The following SNX2 variants were observed in gnomAD, a reference collection of about 807,000 sequenced individuals.
The protein encoded by SNX2 is sorting nexin-2.
Under a neutral mutation model 69.9 loss-of-function variants are expected in SNX2, and 25 were observed. The observed-to-expected ratio is 0.36, with a 90% confidence interval of 0.26 to 0.50. The LOEUF is 0.50. Among genes scored for constraint, SNX2 ranks in the 20% least tolerant of loss-of-function variants. The pLI is 0.97. For missense variants in SNX2, 551 were observed against 613.3 expected (o/e 0.90, Z 1.07); for synonymous variants, 229 against 200.4 (o/e 1.14, Z -1.20).
intron 1 of SNX2, among the ~76,000 whole-genome samples, chr5:122,779,743 T>A (rs1241213068): frequency 1.3e-5 from 2 of 152,138 alleles, no homozygotes; most frequent in Non-Finnish European, 2.9e-5. Flanking sequence ...AAAATTATTT[T>A]ATTTTTTCAA....
At chr5:122,829,500 C>G in intron 14 of SNX2, 98 bp from the exon 15 acceptor site, 2 of 923,944 alleles carry the variant, frequency 2.2e-6, no homozygotes, top group South Asian at 3.0e-5. Context: ...CTACCCAGCC[C>G]GGCTTATGTA....
At chr5:122,794,155 A>G (rs1753319350) in intron 1 of SNX2, among the ~76,000 whole-genome samples, 1 of 152,052 alleles carries the variant, frequency 6.6e-6, no homozygotes, top group South Asian at 2.1e-4. Flanking sequence ...TACTAAAAAT[A>G]CAAAAATTAG....
At chr5:122,793,550 A>G (rs1432924064) in intron 1 of SNX2, among the ~76,000 whole-genome samples, 1 of 152,222 alleles carries the variant, frequency 6.6e-6, no homozygotes, top group Non-Finnish European at 1.5e-5. Flanking sequence ...TTTTGAAACT[A>G]TCTAGCTGTA....
Position 122,775,163 on chromosome 5 carries a change from T to A in SNX2, c.60T>A (p.Asp20Glu), listed in dbSNP as rs777885208. 1.3e-6 allele frequency: 2 copies of A among 1,596,512 alleles called. No individual in the cohort carries two copies. Among genetic ancestry groups the A allele is most frequent in the Middle Eastern group, 1.7e-4 (1 of 6,030 alleles). The part of the protein sequence containing the change: ...LGDGKPTDFE[D>E]LEDGEDLFTS... ...ACGGGAAGCCCACCGACTTTGAGGATCTGGAGGACGGAGAGGACCTGTTCA... is the reference window on the plus strand; with the variant it reads ...ACGGGAAGCCCACCGACTTTGAGGAACTGGAGGACGGAGAGGACCTGTTCA... The change falls in exon 1 of 15, where the codon GAT becomes GAA. Residue 20 changes from aspartate (D) to glutamate (E), a missense_variant. This residue lies in a region of SNX2 where 191 missense variants were observed against 162.9 expected (regional missense o/e 1.17). Transcript: ENST00000379516.
At chr5:122,779,011 T>C (rs1752912804) in intron 1 of SNX2, among the ~76,000 whole-genome samples, 1 of 152,216 alleles carries the variant, frequency 6.6e-6, no homozygotes, top group South Asian at 2.1e-4. Flanking sequence ...TTATGAATAC[T>C]GTTTTATTCC....
At chr5:122,787,165 C>T (rs1753108808) in intron 1 of SNX2, among the ~76,000 whole-genome samples, 1 of 152,070 alleles carries the variant, frequency 6.6e-6, no homozygotes, top group Non-Finnish European at 1.5e-5. Context: ...TTAGTAGGAA[C>T]CTGGAAGAGG....
chr5:122,785,498 C>G (rs1581624358), intron 1 of SNX2, among the ~76,000 whole-genome samples: 1 of 122,742 alleles, frequency 8.1e-6, no homozygotes, highest in East Asian at 2.0e-4. Flanking sequence ...TGATTTGAGA[C>G]TTTTCTCCCT....
intron 1 of SNX2, among the ~76,000 whole-genome samples, chr5:122,779,730 T>TA (rs1752929886): frequency 6.6e-6 from 1 of 152,140 alleles, no homozygotes; most frequent in African/African-American, 2.4e-5. Flanking sequence ...GGCACTTTTT[T>TA]AAAAAATTAT....
At chr5:122,828,427 TC>T in intron 14 of SNX2, among the ~76,000 whole-genome samples, 1 of 152,290 alleles carries the variant, frequency 6.6e-6, no homozygotes, top group African/African-American at 2.4e-5. Context: ...AAACATGACT[TC>T]AGTTGATATT....
intron 1 of SNX2, among the ~76,000 whole-genome samples, chr5:122,792,439 C>CA (rs930495051): frequency 2.0e-5 from 3 of 151,622 alleles, no homozygotes; most frequent in African/African-American, 7.3e-5. Flanking sequence ...ACTAAAAATA[C>CA]AAAAAAAATT....
intron 7 of SNX2, among the ~76,000 whole-genome samples, chr5:122,811,614 G>A (rs1753779189): frequency 6.6e-6 from 1 of 151,836 alleles, no homozygotes. Flanking sequence ...GGTGGATCAC[G>A]AGGTCAAGAG....
chr5:122,817,159 G>A, intron 9 of SNX2, 121 bp from the exon 10 acceptor site: 1 of 1,146,578 alleles, frequency 8.7e-7, no homozygotes, highest in Non-Finnish European at 1.3e-6. Flanking sequence ...ACATCAGTTG[G>A]CCACCATGGT....
intron 1 of SNX2, among the ~76,000 whole-genome samples, chr5:122,777,839 A>G (rs1029437579): frequency 2.0e-5 from 3 of 152,204 alleles, no homozygotes; most frequent in Non-Finnish European, 4.4e-5. Context: ...TTTGTGTTGG[A>G]ACATTCAAAA....
At chr5:122,817,196 C>A in intron 9 of SNX2, 84 bp from the exon 10 acceptor site, 1 of 1,374,908 alleles carries the variant, frequency 7.3e-7, no homozygotes, top group Non-Finnish European at 1.0e-6. Context: ...TGCTTTAAAA[C>A]AAGGAATTTA....
rs761718388 is a variant in SNX2, at chr5:122,801,947, C to T, written c.457+12C>T. ...TCCAGAAAAAGTTGGTGAGTCAATA[C>T]TTATTATATTTTGTATTTACTTTTT... is the stretch of plus-strand genomic sequence containing the variant. On this transcript the variant is annotated intron_variant, in intron 4 of 14. Coordinates refer to ENST00000379516, the MANE Select transcript of SNX2 (RefSeq NM_003100.4). 7.6e-6 allele frequency: 12 copies of T among 1,582,764 alleles called. No homozygotes were observed. Among genetic ancestry groups the T allele is most frequent in the Middle Eastern group, 1.7e-4 (1 of 5,980 alleles).
chr5:122,795,401 A>AT lies in SNX2; in HGVS notation c.226+24dup. On this transcript the variant is annotated intron_variant, in intron 2 of 14. Coordinates refer to ENST00000379516, the MANE Select transcript of SNX2 (RefSeq NM_003100.4). ...TTTTGCAGGTAATTGTCATGTATTT[A>AT]TTTTTTAATAATGGTCAATTGCAGT... 1 of 1,460,926 alleles carries AT rather than the reference A, an allele frequency of 6.8e-7. No individual in the cohort carries two copies. The highest frequency in any genetic ancestry group is 1.7e-4 in the Middle Eastern group (1 of 5,760). The allele number at this position is 1,460,926 out of a possible 1,614,324, so 90.5% of individuals were successfully genotyped here.
chr5:122,822,972 A>C (rs892969828), intron 11 of SNX2, among the ~76,000 whole-genome samples: 1 of 152,250 alleles, frequency 6.6e-6, no homozygotes, highest in Non-Finnish European at 1.5e-5. Flanking sequence ...GAAGCTGGGC[A>C]GCATATTTTC....
intron 1 of SNX2, among the ~76,000 whole-genome samples, chr5:122,789,480 C>CAA (rs982486768): frequency 1.4e-4 from 14 of 99,906 alleles, no homozygotes; most frequent in African/African-American, 6.2e-4. Flanking sequence ...CACGGACACA[C>CAA]ACACACACAC....
intron 7 of SNX2, among the ~76,000 whole-genome samples, chr5:122,815,412 ATGC>A (rs2150013878): frequency 6.6e-6 from 1 of 152,330 alleles, no homozygotes; most frequent in South Asian, 2.1e-4. Context: ...TCATTTAAAT[ATGC>A]TGACACGCAA....
Sources: gnomAD v4.1 joint callset for allele counts (sites outside exome capture counted in the v4.1 genomes callset) on GRCh38, gnomAD v4.1.1 for gene constraint, gnomAD v4.1.1 regional missense constraint, MANE v1.5 for transcripts, NCBI Gene and HGNC (gene_info 2026-07-23, HGNC 2026-07-21) for gene names.